PRDM1: variants seen among roughly 807,000 people sequenced by gnomAD.
PRDM1 encodes PR domain zinc finger protein 1.
In PRDM1, 13 loss-of-function variants were observed where a neutral mutation model predicts 62.8. That is an observed-to-expected ratio of 0.21 (90% CI 0.13 to 0.33). PRDM1 has a LOEUF of 0.33. Ranked by LOEUF, PRDM1 falls within the 10% of genes least tolerant of loss-of-function variation. PRDM1 has a pLI of 1.00. For missense variants in PRDM1, 895 were observed against 1,058.8 expected (o/e 0.85, Z 2.15); for synonymous variants, 396 against 417.6 (o/e 0.95, Z 0.63).
rs990114374 is a variant in PRDM1, at chr6:106,107,118, G to T, written c.2110G>T (p.Val704Phe). The T allele has an allele frequency of 8.1e-6, 13 of 1,614,066 alleles. No individual in the cohort carries two copies. The highest frequency in any genetic ancestry group is 1.6e-4 in the Middle Eastern group (1 of 6,084). Residue 704 changes from valine to phenylalanine, a missense_variant, in exon 7 of 7, where the codon GTT (valine) becomes TTT (phenylalanine). Val to Phe is a conservative substitution (Grantham distance 50). This residue lies in a region of PRDM1 where 164 missense variants were observed against 179.9 expected (regional missense o/e 0.91). Coordinates refer to ENST00000369096, the MANE Select transcript of PRDM1 (RefSeq NM_001198.4). The stretch of plus-strand genomic sequence containing the variant: ...CTACATCCATCTCTGTAGCCTCAAG[G>T]TTCACCTGAAAGGGAACTGCGCTGC... ...KNYIHLCSLKVHLKGNCAAAP... is the reference protein window; with the variant it reads ...KNYIHLCSLKFHLKGNCAAAP...
chr6:106,037,516 G>A (rs7758888), intron 1 of PRDM1, among the ~76,000 whole-genome samples: 135,569 of 152,108 alleles, frequency 0.89, 60,475 homozygotes, highest in South Asian at 0.94. Flanking sequence ...CATCCCACAG[G>A]TCCCTTAGGC....
At chr6:106,074,083 T>C (rs1373249003) in intron 1 of PRDM1, among the ~76,000 whole-genome samples, 2 of 151,820 alleles carry the variant, frequency 1.3e-5, no homozygotes, top group African/African-American at 4.8e-5. Flanking sequence ...TGCAAAGGAG[T>C]AAAACTGAAA....
rs2114662902 is a variant in PRDM1 at position 106,107,065 on chromosome 6, C to G, written c.2057C>G (p.Pro686Arg). ...AAGCGTCTGCACACCCGGGAGCGGC[C>G]CCACAAGTGCTCCCAGTGCCACAAG... ...LHKRLHTRERPHKCSQCHKNY... is the reference protein window; with the variant it reads ...LHKRLHTRERRHKCSQCHKNY... Residue 686 changes from proline to arginine, a missense_variant, in exon 7 of 7, where the codon CCC becomes CGC. Transcript: ENST00000369096. The G allele has an allele frequency of 1.9e-6, 3 of 1,614,210 alleles. No individual in the cohort carries two copies. Among genetic ancestry groups the G allele is most frequent in the Non-Finnish European group, 2.5e-6 (3 of 1,180,034 alleles).
intron 1 of PRDM1, among the ~76,000 whole-genome samples, chr6:106,008,631 G>A (rs1788129925): frequency 6.6e-6 from 1 of 152,192 alleles, no homozygotes; most frequent in Non-Finnish European, 1.5e-5. Context: ...TCCCAGGACA[G>A]GCAGGCAGGA....
At chr6:106,053,571 C>T (rs1352036811) in intron 1 of PRDM1, among the ~76,000 whole-genome samples, 2 of 151,850 alleles carry the variant, frequency 1.3e-5, no homozygotes, top group Non-Finnish European at 2.9e-5. Context: ...TAATAGAATA[C>T]ATAAGTATTG....
intron 1 of PRDM1, among the ~76,000 whole-genome samples, chr6:106,037,990 T>C (rs1281694999): frequency 2.0e-5 from 3 of 148,366 alleles, no homozygotes; most frequent in South Asian, 2.2e-4. Context: ...ACTCTCTCCC[T>C]TTCCTATGGT....
rs1239773818 is a variant in PRDM1 at position 106,107,472 on chromosome 6, C to CATT, written c.2464_2465insATT (p.Pro822delinsHisSer). ...AAAGGTCAAACAAGAAACAGTTGAA[C>CATT]CAATGGATCCTTAAGATTTTCAGAA... On this transcript the variant is annotated protein_altering_variant, in exon 7 of 7. Transcript: ENST00000369096. 6.3e-7 allele frequency: 1 copy of CATT among 1,596,134 alleles called. No homozygotes were observed.
upstream of PRDM1, among the ~76,000 whole-genome samples, chr6:106,047,187 A>G (rs1309320442): frequency 6.6e-6 from 1 of 152,266 alleles, no homozygotes; most frequent in African/African-American, 2.4e-5. Flanking sequence ...CTAGGAAAGA[A>G]AAAGGAAGAA....
At chr6:106,081,798 G>C (rs1773698618), upstream of PRDM1, among the ~76,000 whole-genome samples, 1 of 152,132 alleles carries the variant, frequency 6.6e-6, no homozygotes, top group Non-Finnish European at 1.5e-5. Context: ...TGATTTCAGG[G>C]AAGCACACGG....
intron 1 of PRDM1, among the ~76,000 whole-genome samples, chr6:106,078,679 C>T (rs1451140264): frequency 6.6e-6 from 1 of 152,262 alleles, no homozygotes; most frequent in East Asian, 1.9e-4. Context: ...TAAGACCAGC[C>T]TGGGCAACAT....
At chr6:105,998,915 ATATATATATATATATATATTT>A (rs1295080759) in intron 1 of PRDM1, among the ~76,000 whole-genome samples, 27 of 6,180 alleles carry the variant, frequency 4.4e-3, no homozygotes, top group African/African-American at 7.4e-3. Context: ...ATATATATAT[ATATATATATATATATATATTT>A]TTTTTTTTTT....
At chr6:106,028,157 A>G (rs1772791160) in intron 1 of PRDM1, among the ~76,000 whole-genome samples, 1 of 152,306 alleles carries the variant, frequency 6.6e-6, no homozygotes, top group Non-Finnish European at 1.5e-5. Flanking sequence ...CTGATCTGCC[A>G]TTTCAGCATA....
intron 1 of PRDM1, among the ~76,000 whole-genome samples, chr6:106,070,125 G>A (rs1371093410): frequency 6.6e-6 from 1 of 152,036 alleles, no homozygotes; most frequent in East Asian, 1.9e-4. Flanking sequence ...CCTAACATAT[G>A]GACTAGTGGG....
intron 1 of PRDM1, among the ~76,000 whole-genome samples, chr6:106,076,381 A>G (rs73518722): frequency 0.026 from 3,913 of 152,302 alleles, 188 homozygotes; most frequent in African/African-American, 0.088. Flanking sequence ...GTATACAGAA[A>G]GAATTTAGAG....
intron 1 of PRDM1, among the ~76,000 whole-genome samples, chr6:106,029,225 A>G (rs772256129): frequency 1.8e-4 from 27 of 151,796 alleles, no homozygotes; most frequent in Non-Finnish European, 3.4e-4. Context: ...GGCCTTCCCT[A>G]TGTTTTCTTA....
chr6:106,012,930 G>A (rs1772575385), intron 1 of PRDM1, among the ~76,000 whole-genome samples: 1 of 152,218 alleles, frequency 6.6e-6, no homozygotes, highest in African/African-American at 2.4e-5. Flanking sequence ...TTGTGTGTGT[G>A]TGAGACGGTC....
Position 106,086,456 on chromosome 6 carries a change from C to T in PRDM1, c.-98C>T. 7.9e-7 allele frequency: 1 copy of T among 1,262,368 alleles called. No homozygotes were observed. The allele number at this position is 1,262,368 out of a possible 1,614,324, so 78.2% of individuals were successfully genotyped here. On this transcript the variant is annotated 5_prime_UTR_variant, in exon 1 of 7. Transcript: ENST00000369096. ...CGGGCGCCCGGGCGGCCGGACGAAG[C>T]GAGGAGGGACCGCCGAGGTGCGCGT... is the stretch of plus-strand genomic sequence containing the variant.
At chr6:106,092,736 A>G (rs1048606433) in intron 2 of PRDM1, among the ~76,000 whole-genome samples, 2 of 152,182 alleles carry the variant, frequency 1.3e-5, no homozygotes, top group East Asian at 3.9e-4. Context: ...TCCCCCTCCA[A>G]AGTTACCTGG....
At chr6:106,002,592 A>AAAAGGTATT (rs1772439719) in intron 1 of PRDM1, among the ~76,000 whole-genome samples, 3 of 152,234 alleles carry the variant, frequency 2.0e-5, no homozygotes, top group Non-Finnish European at 4.4e-5. Flanking sequence ...ATTCTGCTTT[A>AAAAGGTATT]TACAAACTTA....
Sources: gnomAD v4.1 joint callset for allele counts (sites outside exome capture counted in the v4.1 genomes callset) on GRCh38, gnomAD v4.1.1 for gene constraint, gnomAD v4.1.1 regional missense constraint, MANE v1.5 for transcripts, NCBI Gene and HGNC (gene_info 2026-07-23, HGNC 2026-07-21) for gene names.